Variants in DLEU7 observed in about 807,000 individuals in gnomAD.
DLEU7 encodes the protein leukemia-associated protein 7.
Under a neutral mutation model 16.0 loss-of-function variants are expected in DLEU7, and 17 were observed. The observed-to-expected ratio is 1.06, with a 90% CI of 0.73 to 1.59. The LOEUF (loss-of-function observed/expected upper bound fraction) is 1.59. Ranked by LOEUF, DLEU7 falls within the 40% of genes most tolerant of loss-of-function variation. The probability of loss-of-function intolerance (pLI) is 0.00; values close to 1 mark genes in which losing one functional copy is unlikely to be tolerated. For synonymous variants in DLEU7, 113 were observed against 139.8 expected (o/e 0.81, Z 1.35); for missense variants, 308 against 314.9 (o/e 0.98, Z 0.17).
chr13:50,757,631 A>G (rs932876338), intron 1 of DLEU7, among the ~76,000 whole-genome samples: 2 of 152,066 alleles, frequency 1.3e-5, no homozygotes, highest in Admixed American at 6.6e-5. Context: ...ATCGATTTCT[A>G]TTTTCCTCTA....
At chr13:50,729,258 C>T (rs1873849895) in intron 1 of DLEU7, among the ~76,000 whole-genome samples, 1 of 152,174 alleles carries the variant, frequency 6.6e-6, no homozygotes, top group African/African-American at 2.4e-5. Flanking sequence ...GCTTAGCTCC[C>T]ACTTATAAGA....
At chr13:50,739,606 T>C (rs1211886816) in intron 1 of DLEU7, among the ~76,000 whole-genome samples, 1 of 152,162 alleles carries the variant, frequency 6.6e-6, no homozygotes, top group Non-Finnish European at 1.5e-5. Flanking sequence ...GTGCTTATCC[T>C]GGAGGGGACC....
At chr13:50,734,861 T>C (rs1427509563) in intron 1 of DLEU7, among the ~76,000 whole-genome samples, 6 of 152,054 alleles carry the variant, frequency 3.9e-5, no homozygotes, top group African/African-American at 1.4e-4. Flanking sequence ...GGAAGAGTAA[T>C]AAACTTCAAA....
chr13:50,843,748 T>C, upstream of DLEU7: 1 of 1,412,652 alleles, frequency 7.1e-7, no homozygotes, highest in Non-Finnish European at 9.3e-7. This position sits in a 1 kb window ranked among gnomAD's most constrained non-coding sequence, Gnocchi z 5.7. Context: ...AACCCGCGGC[T>C]CCTCGGCCTC....
intron 1 of DLEU7, among the ~76,000 whole-genome samples, chr13:50,722,462 T>G (rs1203050240): frequency 6.6e-6 from 1 of 152,218 alleles, no homozygotes; most frequent in East Asian, 1.9e-4. Context: ...TGGAGATTCT[T>G]GCCACTACAC....
chr13:50,765,850 G>A (rs1177325287), intron 1 of DLEU7, among the ~76,000 whole-genome samples: 2 of 152,206 alleles, frequency 1.3e-5, no homozygotes, highest in African/African-American at 2.4e-5. Flanking sequence ...AAGACAGCAA[G>A]TGAAGGCCAA....
intron 1 of DLEU7, among the ~76,000 whole-genome samples, chr13:50,754,343 T>C (rs1466704101): frequency 6.6e-6 from 1 of 152,196 alleles, no homozygotes; most frequent in South Asian, 2.1e-4. Context: ...TTTTATAAAT[T>C]TGGGAGCTCC....
At chr13:50,817,928 A>G (rs1876784821), downstream of DLEU7, among the ~76,000 whole-genome samples, 1 of 152,120 alleles carries the variant, frequency 6.6e-6, no homozygotes, top group African/African-American at 2.4e-5. Context: ...GACAAGTGCC[A>G]TCTTGTCACT....
rs185061747 is a variant in DLEU7, at chr13:50,764,002, C to T, written c.460-50762G>A. Among the ~76,000 whole-genome samples the T allele has an allele frequency of 2.0e-5, 3 of 152,164 alleles. No homozygotes were observed. The East Asian group carries it at 5.8e-4, about 29-fold the overall frequency. On this transcript the variant is annotated intron_variant, in intron 1 of 1. Transcript: ENST00000400393. ...GAGACAATATTAAAGAAGAGACAGG[C>T]GGAAAGGCTGTGTTTATAGTCCCGC...
rs77975896 is a variant in DLEU7 at position 50,795,282 on chromosome 13, T to C, written c.459+47906A>G. Among the ~76,000 whole-genome samples the C allele has an allele frequency of 5.1e-4, 78 of 152,284 alleles. 1 individual carries two copies. In the East Asian group the frequency reaches 0.013, roughly 25 times the overall value. ...GCTCCAGTGGCCTCCTCCCCAACTTTACCTGTGAGATCAGGGATTATAGCA... is the reference window on the plus strand; with the variant it reads ...GCTCCAGTGGCCTCCTCCCCAACTTCACCTGTGAGATCAGGGATTATAGCA... On this transcript the variant is annotated intron_variant, in intron 1 of 1. Coordinates refer to the DLEU7 transcript ENST00000400393.
At chr13:50,735,556 A>T (rs1874042228) in intron 1 of DLEU7, among the ~76,000 whole-genome samples, 1 of 152,126 alleles carries the variant, frequency 6.6e-6, no homozygotes, top group Non-Finnish European at 1.5e-5. Context: ...TCAGAAAAGA[A>T]ATTACAAGAA....
intron 1 of DLEU7, among the ~76,000 whole-genome samples, chr13:50,782,330 T>C (rs1038147515): frequency 6.6e-6 from 1 of 152,226 alleles, no homozygotes; most frequent in African/African-American, 2.4e-5. Flanking sequence ...TGTTGTGTCT[T>C]TGCCATGGTA....
intron 1 of DLEU7, among the ~76,000 whole-genome samples, chr13:50,838,889 G>A (rs1214277786): frequency 6.6e-5 from 10 of 152,212 alleles, no homozygotes; most frequent in African/African-American, 2.2e-4. Context: ...ATGTGAGGAC[G>A]CAGCGAGAAG....
At chr13:50,825,121 A>AT (rs1305508221) in intron 1 of DLEU7, among the ~76,000 whole-genome samples, 4 of 151,824 alleles carry the variant, frequency 2.6e-5, no homozygotes, top group South Asian at 4.2e-4. Flanking sequence ...TGAGATGATA[A>AT]TTTTTTTTAG....
intron 1 of DLEU7, chr13:50,808,135 G>A (rs1876448356): frequency 6.6e-6 from 1 of 152,178 alleles, no homozygotes; most frequent in Non-Finnish European, 1.5e-5. Context: ...GTTCTTATAT[G>A]TGCATCAAGG....
chr13:50,723,394 G>A (rs563873325), intron 1 of DLEU7, among the ~76,000 whole-genome samples: 6 of 149,654 alleles, frequency 4.0e-5, no homozygotes, highest in African/African-American at 1.2e-4. Context: ...AATATTCTTC[G>A]GTAGTTTTAA....
At chr13:50,777,526 G>T (rs1024345183) in intron 1 of DLEU7, among the ~76,000 whole-genome samples, 2 of 152,126 alleles carry the variant, frequency 1.3e-5, no homozygotes. Context: ...ACAGCCTGTT[G>T]TGGAACCTTG....
rs147021483 is a variant in DLEU7, at chr13:50,714,732, C to T, written c.460-1492G>A. The stretch of plus-strand genomic sequence containing the variant: ...TCTCATGTGTTTTCCCCTCATCTTA[C>T]GCAAATAAGAGGGGGCCTTCAGAGA... On this transcript the variant is annotated intron_variant, in intron 1 of 1. Transcript: ENST00000400393. Among the ~76,000 whole-genome samples the T allele has an allele frequency of 2.6e-5, 4 of 152,090 alleles. No individual in the cohort carries two copies. The East Asian group carries it at 5.8e-4, about 22-fold the overall frequency.
chr13:50,794,643 G>T (rs540009509), intron 1 of DLEU7, among the ~76,000 whole-genome samples: 3 of 152,180 alleles, frequency 2.0e-5, no homozygotes, highest in African/African-American at 7.2e-5. Flanking sequence ...AGTTGTAGTA[G>T]ATTTGTTCTC....
Sources: gnomAD v4.1 joint callset for allele counts (sites outside exome capture counted in the v4.1 genomes callset) on GRCh38, gnomAD v4.1.1 for gene constraint, Gnocchi (gnomAD v3.1) non-coding constraint, MANE v1.5 for transcripts, NCBI Gene and HGNC (gene_info 2026-07-23, HGNC 2026-07-21) for gene names.